BCR: variants seen among roughly 807,000 people sequenced by gnomAD.
The protein encoded by BCR is breakpoint cluster region protein.
BCR carries 58 observed loss-of-function variants against 138.6 expected under a neutral mutation model. The ratio of observed to expected loss-of-function variants is 0.42; its 90% CI spans 0.34 to 0.52. BCR has a LOEUF of 0.52. Ranked by LOEUF, BCR falls within the 20% of genes least tolerant of loss-of-function variation. The pLI is 0.06. For synonymous variants in BCR, 786 were observed against 730.1 expected (o/e 1.08, Z -1.23); for missense variants, 1,599 against 1,727.2 (o/e 0.93, Z 1.32).
intron 1 of BCR, among the ~76,000 whole-genome samples, chr22:23,193,590 C>G (rs2072441516): frequency 6.6e-6 from 1 of 152,240 alleles, no homozygotes; most frequent in South Asian, 2.1e-4. Flanking sequence ...TGTCAGGGCC[C>G]TCATTCTCCT....
At chr22:23,255,011 A>T (rs1229820358) in intron 2 of BCR, among the ~76,000 whole-genome samples, 2 of 152,050 alleles carry the variant, frequency 1.3e-5, no homozygotes, top group Non-Finnish European at 2.9e-5. Context: ...CCTGGGCAAC[A>T]GAGCAAGACC....
intron 1 of BCR, among the ~76,000 whole-genome samples, chr22:23,245,849 G>GTTATTTTTCACTTT (rs1158532408): frequency 2.6e-5 from 4 of 151,782 alleles, no homozygotes; most frequent in African/African-American, 9.7e-5. Context: ...AACATAAAAT[G>GTTATTTTTCACTTT]AATCATTTTA....
At chr22:23,286,672 T>C (rs1036847352) in intron 10 of BCR, among the ~76,000 whole-genome samples, 11 of 152,130 alleles carry the variant, frequency 7.2e-5, no homozygotes, top group African/African-American at 2.4e-5. Context: ...GTGAAACCCA[T>C]GGCTCAGCAT....
At chr22:23,289,476 G>A (rs893209719) in intron 12 of BCR, 41 bp from the exon 13 acceptor site, 2 of 1,541,702 alleles carry the variant, frequency 1.3e-6, no homozygotes, top group Non-Finnish European at 1.8e-6. Context: ...GGGCCAAGGA[G>A]CAGATTGACC....
intron 4 of BCR, chr22:23,264,329 C>A (rs2073411707): frequency 3.0e-6 from 3 of 984,790 alleles, no homozygotes; most frequent in Middle Eastern, 2.4e-4. Flanking sequence ...TGTCTTACAA[C>A]CTCCACGTCC....
At chr22:23,304,353 T>C (rs1402913850) in intron 16 of BCR, among the ~76,000 whole-genome samples, 3 of 152,172 alleles carry the variant, frequency 2.0e-5, no homozygotes, top group Admixed American at 6.5e-5. Flanking sequence ...TGGGCTTTTT[T>C]GACTGATTTC....
chr22:23,310,003 G>C, intron 17 of BCR: 1 of 413,208 alleles, frequency 2.4e-6, no homozygotes. Context: ...TGAGGCAGGA[G>C]AATCACTGGA....
At chr22:23,189,322 A>G (rs569397508) in intron 1 of BCR, among the ~76,000 whole-genome samples, 112 of 151,942 alleles carry the variant, frequency 7.4e-4, no homozygotes, top group African/African-American at 2.5e-3. Flanking sequence ...TTAACTCCCC[A>G]TTCCCCCTCA....
At chr22:23,268,536 A>G (rs1255122444) in intron 5 of BCR, 21 bp downstream of exon 5, 2 of 1,596,500 alleles carry the variant, frequency 1.3e-6, no homozygotes, top group Non-Finnish European at 8.6e-7. Flanking sequence ...GATGCCGTTC[A>G]GACAGGTGCA....
chr22:23,217,834 A>G (rs769570720), intron 1 of BCR, among the ~76,000 whole-genome samples: 16 of 152,228 alleles, frequency 1.1e-4, no homozygotes, highest in Non-Finnish European at 2.1e-4. Context: ...GGGCACTCCC[A>G]TGAAGGCGGG....
chr22:23,198,877 T>C lies in BCR; in HGVS notation c.1279+16638T>C, dbSNP rs142398370. On this transcript the variant is annotated intron_variant, in intron 1 of 22. Coordinates refer to ENST00000305877, the MANE Select transcript of BCR (RefSeq NM_004327.4). ...GGTCACACCTGTAATCCCAGCACTT[T>C]GGGAGGCCGAGGCTGGTGTATCACC... Among the ~76,000 whole-genome samples, 1,432 of 152,146 alleles carry C rather than the reference T, an allele frequency of 9.4e-3. 19 individuals carry two copies. Among genetic ancestry groups the C allele is most frequent in the South Asian group, 0.04 (193 of 4,812 alleles).
At chr22:23,293,034 C>T (rs1334203925) in intron 15 of BCR, among the ~76,000 whole-genome samples, 2 of 151,852 alleles carry the variant, frequency 1.3e-5, no homozygotes, top group African/African-American at 4.8e-5. Flanking sequence ...GGGGCTGGGA[C>T]AGGGACTGTA....
chr22:23,213,788 G>A lies in BCR; in HGVS notation c.1279+31549G>A, dbSNP rs1015452888. On this transcript the variant is annotated intron_variant, in intron 1 of 22. Transcript: ENST00000305877. ...TTCAAGGCTATAGTGAGCTATGATT[G>A]CACCACTGTACTTCAGCCTGGGCAA... 1.5e-4 allele frequency among the ~76,000 whole-genome samples: 22 copies of A among 151,122 alleles called. 1 individual carries two copies. The highest frequency in any genetic ancestry group is 4.6e-4 in the Admixed American group (7 of 15,152).
intron 2 of BCR, among the ~76,000 whole-genome samples, chr22:23,259,585 C>T (rs2073334029): frequency 1.3e-5 from 2 of 151,334 alleles, no homozygotes; most frequent in South Asian, 2.1e-4. Context: ...AGCATGGTCT[C>T]GGCTCACTGC....
chr22:23,301,411 C>T (rs1300331486), intron 16 of BCR, among the ~76,000 whole-genome samples: 1 of 152,246 alleles, frequency 6.6e-6, no homozygotes, highest in Non-Finnish European at 1.5e-5. Context: ...TGTGCAGGAG[C>T]ACTGGGACTG....
chr22:23,261,719 G>A (rs1305110586), intron 4 of BCR, 179 bp downstream of exon 4: 29 of 470,106 alleles, frequency 6.2e-5, no homozygotes, highest in Non-Finnish European at 9.3e-5. Context: ...GGCGTGAGCC[G>A]CCATGCCCAG....
chr22:23,223,894 A>G (rs5759652), intron 1 of BCR, among the ~76,000 whole-genome samples: 91,562 of 152,052 alleles, frequency 0.6, 28,312 homozygotes, highest in African/African-American at 0.75. Flanking sequence ...TCCTGGCCAA[A>G]GCCCTGCCTC....
At chr22:23,194,402 C>CT (rs374624643) in intron 1 of BCR, among the ~76,000 whole-genome samples, 77 of 130,920 alleles carry the variant, frequency 5.9e-4, no homozygotes, top group South Asian at 4.6e-3. Context: ...TTTTTTTTTT[C>CT]TTTTTTTTTT....
At chr22:23,293,893 C>T (rs2073817343) in intron 15 of BCR, among the ~76,000 whole-genome samples, 2 of 151,964 alleles carry the variant, frequency 1.3e-5, no homozygotes, top group Admixed American at 6.6e-5. Flanking sequence ...AGAAGCCATG[C>T]GCGCACACGC....
Sources: gnomAD v4.1 joint callset for allele counts (sites outside exome capture counted in the v4.1 genomes callset) on GRCh38, gnomAD v4.1.1 for gene constraint, MANE v1.5 for transcripts, NCBI Gene and HGNC (gene_info 2026-07-23, HGNC 2026-07-21) for gene names.